The following CCT7 variants were observed in gnomAD, a reference collection of about 807,000 sequenced individuals.
CCT7 encodes the protein T-complex protein 1 subunit eta.
A neutral mutation model predicts 56.6 loss-of-function variants in CCT7; 16 were observed. The observed-to-expected ratio is 0.28, with a 90% CI of 0.19 to 0.43. The LOEUF is 0.43. Ranked by LOEUF, CCT7 falls within the 20% of genes least tolerant of loss-of-function variation. CCT7 has a pLI of 1.00. For synonymous variants in CCT7, 262 were observed against 254.8 expected, an observed-to-expected ratio of 1.03 and a Z score of -0.27; for missense variants, 519 against 685.6, an observed-to-expected ratio of 0.76 and a Z score of 2.71.
intron 1 of CCT7, chr2:73,239,355 T>A (rs1353146491): frequency 3.3e-6 from 1 of 302,662 alleles, no homozygotes; most frequent in Non-Finnish European, 6.2e-6. Flanking sequence ...AAGGCCATGG[T>A]CATTCAGCTG....
intron 1 of CCT7, chr2:73,237,835 G>A (rs1686944840): frequency 6.6e-6 from 1 of 152,214 alleles, no homozygotes; most frequent in Non-Finnish European, 1.5e-5. Flanking sequence ...GGCTGAGGCA[G>A]GAGGGTTGTT....
At position 73,251,438 on chromosome 2, in the gene CCT7, T is replaced by C. The variant is rs778723582; in HGVS notation, c.1410+6T>C. On this transcript the variant is annotated splice_donor_region_variant and intron_variant, in intron 11 of 11. Coordinates refer to ENST00000258091, the MANE Select transcript of CCT7 (RefSeq NM_006429.4). ...TGCGGGCTCGGCATGCCCAGGTGGG[T>C]CCTTTCTCTCCCCAGGGTTCAGGGT... 1.4e-5 allele frequency: 15 copies of C among 1,091,960 alleles called. No individual in the cohort carries two copies. Among genetic ancestry groups the C allele is most frequent in the African/African-American group, 3.2e-5 (2 of 61,698 alleles). The allele number at this position is 1,091,960 out of a possible 1,614,324, so 67.6% of individuals were successfully genotyped here.
At chr2:73,246,100 C>T (rs1342228286) in intron 6 of CCT7, among the ~76,000 whole-genome samples, 1 of 152,174 alleles carries the variant, frequency 6.6e-6, no homozygotes, top group East Asian at 1.9e-4. Flanking sequence ...CGAGACTGTC[C>T]TACATTCGTT....
chr2:73,251,334 T>C lies in CCT7; in HGVS notation c.1312T>C (p.Tyr438His). 1 of 1,614,188 alleles carries C rather than the reference T, an allele frequency of 6.2e-7. No individual in the cohort carries two copies. Among genetic ancestry groups the C allele is most frequent in the Admixed American group, 1.7e-5 (1 of 60,036 alleles). ...AAAACAGCAGCTGTTGATTGGGGCA[T>C]ATGCCAAGGCCTTGGAGATTATCCC... ...PGKQQLLIGA[Y>H]AKALEIIPRQ... The change falls in exon 11 of 12, where the codon TAT becomes CAT. Residue 438 changes from tyrosine (Y) to histidine (H), a missense_variant. This residue lies in a region of CCT7 where 237 missense variants were observed against 300.8 expected (regional missense o/e 0.79). Coordinates refer to ENST00000258091, the MANE Select transcript of CCT7 (RefSeq NM_006429.4).
At chr2:73,248,075 C>CAGGGAGAACACAGAGTA in intron 7 of CCT7, 149 bp downstream of exon 7, 1 of 706,114 alleles carries the variant, frequency 1.4e-6, no homozygotes, top group Non-Finnish European at 2.4e-6. Context: ...TTTCCATACT[C>CAGGGAGAACACAGAGTA]TGTGTTCTCC....
intron 1 of CCT7, chr2:73,237,529 G>C (rs1686932776): frequency 1.3e-5 from 2 of 152,150 alleles, no homozygotes. Flanking sequence ...GGGCCTTTCA[G>C]GACACACATC....
rs369803693 is a variant in CCT7 at position 73,247,853 on chromosome 2, T to C, written c.710T>C (p.Ile237Thr). 12 of 1,614,000 alleles carry C rather than the reference T, an allele frequency of 7.4e-6. No homozygotes were observed. Among genetic ancestry groups the C allele is most frequent in the African/African-American group, 2.7e-5 (2 of 74,884 alleles). Residue 237 changes from isoleucine to threonine, a missense_variant, in exon 7 of 12, where the codon ATT becomes ACT. Ile to Thr is a moderately conservative substitution (Grantham distance 89, BLOSUM62 -1). This residue lies in a region of CCT7 where 276 missense variants were observed against 357.3 expected (regional missense o/e 0.77). Coordinates refer to ENST00000258091, the MANE Select transcript of CCT7 (RefSeq NM_006429.4). ...MQPKKYHNPKIALLNVELELK... is the reference protein window; with the variant it reads ...MQPKKYHNPKTALLNVELELK... ...CCCAAAAAGTACCACAATCCCAAGA[T>C]TGCCCTTTTGAATGTCGAGCTCGAG...
intron 10 of CCT7, among the ~76,000 whole-genome samples, chr2:73,250,831 T>C (rs1338501451): frequency 6.6e-6 from 1 of 151,594 alleles, no homozygotes; most frequent in Non-Finnish European, 1.5e-5. Flanking sequence ...TCCCAGCTAC[T>C]CGGGAGGCTG....
chr2:73,234,673 C>G (rs1308374775), intron 1 of CCT7, among the ~76,000 whole-genome samples: 1 of 152,202 alleles, frequency 6.6e-6, no homozygotes, highest in Non-Finnish European at 1.5e-5. Flanking sequence ...TCGGGGACCT[C>G]TTTTTTAGCC....
At chr2:73,238,080 G>A (rs950415369) in intron 1 of CCT7, among the ~76,000 whole-genome samples, 6 of 152,110 alleles carry the variant, frequency 3.9e-5, no homozygotes, top group Admixed American at 3.3e-4. Flanking sequence ...CTCTTATTCC[G>A]TAGAGTTTAT....
At chr2:73,235,065 A>C (rs1198577250) in intron 1 of CCT7, among the ~76,000 whole-genome samples, 1 of 152,140 alleles carries the variant, frequency 6.6e-6, no homozygotes, top group African/African-American at 2.4e-5. Context: ...CGGAGGTGGG[A>C]AGACCCAGGC....
chr2:73,247,805 C>G lies in CCT7; in HGVS notation c.662C>G (p.Ser221Cys). The change falls in exon 7 of 12, where the codon TCT becomes TGT. Residue 221 changes from serine (S) to cysteine (C), a missense_variant. By Grantham distance (112) the Ser-to-Cys change is moderately radical. This residue lies in a region of CCT7 where 276 missense variants were observed against 357.3 expected (regional missense o/e 0.77). Coordinates refer to ENST00000258091, the MANE Select transcript of CCT7 (RefSeq NM_006429.4). ...GGTGTTGCATTCAAGAAGACTTTCT[C>G]TTACGCTGGGTTTGAAATGCAACCC... is the stretch of plus-strand genomic sequence containing the variant. ...VAGVAFKKTF[S>C]YAGFEMQPKK... 6.2e-7 allele frequency: 1 copy of G among 1,614,128 alleles called. No individual in the cohort carries two copies.
At chr2:73,242,187 C>T (rs926097430) in intron 3 of CCT7, among the ~76,000 whole-genome samples, 5 of 151,426 alleles carry the variant, frequency 3.3e-5, no homozygotes, top group Admixed American at 2.0e-4. Context: ...TTTGGGAGGC[C>T]GAGGTGGGAG....
chr2:73,244,105 T>C, intron 5 of CCT7, 56 bp downstream of exon 5: 1 of 1,517,126 alleles, frequency 6.6e-7, no homozygotes, highest in Non-Finnish European at 9.0e-7. Context: ...CCTTGCTGTA[T>C]TGCCCAGGCT....
At chr2:73,236,308 G>A (rs1686881228) in intron 1 of CCT7, among the ~76,000 whole-genome samples, 2 of 152,024 alleles carry the variant, frequency 1.3e-5, no homozygotes, top group Admixed American at 1.3e-4. Flanking sequence ...CATTATACCT[G>A]TGGCCAATTA....
At chr2:73,244,433 G>T in intron 5 of CCT7, 111 bp from the exon 6 acceptor site, 1 of 891,582 alleles carries the variant, frequency 1.1e-6, no homozygotes, top group South Asian at 1.9e-5. Context: ...GGTGAAGTTG[G>T]AGAGGGCTGA....
chr2:73,244,064 GGT>G lies in CCT7; in HGVS notation c.446+16_446+17del. 2 of 1,579,914 alleles carry G rather than the reference GGT, an allele frequency of 1.3e-6. No individual in the cohort carries two copies. Among genetic ancestry groups the G allele is most frequent in the Admixed American group, 1.9e-5 (1 of 53,888 alleles). On this transcript the variant is annotated intron_variant, in intron 5 of 11. Coordinates refer to ENST00000258091, the MANE Select transcript of CCT7 (RefSeq NM_006429.4). The stretch of plus-strand genomic sequence containing the variant: ...GCAGATAAAGTGTAAGTCTGTAGTG[GGT>G]TTTTTTTTTTTTTTTTAAAGAGACG...
rs2231425 is a variant in CCT7 at position 73,244,742 on chromosome 2, A to G, written c.618+27A>G. On this transcript the variant is annotated intron_variant, in intron 6 of 11. Transcript: ENST00000258091. ...TAAGCCTGCTGTGGCCTTCCTAGACAGCTCTTGCTTTCATATTGACCCTTC... is the reference window on the plus strand; with the variant it reads ...TAAGCCTGCTGTGGCCTTCCTAGACGGCTCTTGCTTTCATATTGACCCTTC... The G allele has an allele frequency of 3.7e-5, 59 of 1,575,674 alleles. 1 individual carries two copies. In the Admixed American group the frequency reaches 9.8e-4, roughly 26 times the overall value.
chr2:73,237,140 G>A (rs929515985), intron 1 of CCT7, among the ~76,000 whole-genome samples: 3 of 152,198 alleles, frequency 2.0e-5, no homozygotes, highest in Non-Finnish European at 4.4e-5. Context: ...AAAAAGTTGC[G>A]AGCAAGGGCA....
Sources: gnomAD v4.1 joint callset for allele counts (sites outside exome capture counted in the v4.1 genomes callset) on GRCh38, gnomAD v4.1.1 for gene constraint, gnomAD v4.1.1 regional missense constraint, MANE v1.5 for transcripts, NCBI Gene and HGNC (gene_info 2026-07-23, HGNC 2026-07-21) for gene names.